Variants in CDC42BPB observed in about 807,000 individuals in gnomAD.
CDC42BPB encodes the protein CDC42 binding protein kinase beta, also known as serine/threonine-protein kinase MRCK beta.
Under a neutral mutation model 214.9 loss-of-function variants are expected in CDC42BPB, and 37 were observed. The ratio of observed to expected loss-of-function variants is 0.17; its 90% CI spans 0.13 to 0.23. The LOEUF (loss-of-function observed/expected upper bound fraction) is 0.23, where lower values mean the gene tolerates loss of function less well. CDC42BPB is among the 10% of genes least tolerant of loss of function. The pLI is 1.00. For missense variants in CDC42BPB, 1,694 were observed against 2,227.0 expected, an observed-to-expected ratio of 0.76 and a Z score of 4.82; for synonymous variants, 931 against 884.0, an observed-to-expected ratio of 1.05 and a Z score of -0.94.
At chr14:103,048,912 AAAAGAAAAT>A in intron 1 of CDC42BPB, among the ~76,000 whole-genome samples, 1 of 152,252 alleles carries the variant, frequency 6.6e-6, no homozygotes, top group Non-Finnish European at 1.5e-5. Flanking sequence ...TTATTATAAG[AAAAGAAAAT>A]AAAGAAAATT....
chr14:103,013,517 AC>A (rs1469566900), intron 1 of CDC42BPB, among the ~76,000 whole-genome samples: 1 of 152,230 alleles, frequency 6.6e-6, no homozygotes, highest in Non-Finnish European at 1.5e-5. Context: ...TGTGACTGTA[AC>A]CTCATTTGGA....
chr14:103,017,106 G>A (rs1251604879), intron 1 of CDC42BPB, among the ~76,000 whole-genome samples: 1 of 152,226 alleles, frequency 6.6e-6, no homozygotes, highest in African/African-American at 2.4e-5. Context: ...AGGACTGCTT[G>A]AGCCCAGGAG....
At chr14:102,974,267 G>C in intron 11 of CDC42BPB, 118 bp from the exon 12 acceptor site, 1 of 1,454,620 alleles carries the variant, frequency 6.9e-7, no homozygotes, top group Non-Finnish European at 9.0e-7. Context: ...TTTTCATTCA[G>C]AGGTTTTTTT....
intron 25 of CDC42BPB, 49 bp from the exon 26 acceptor site, chr14:102,949,953 C>T (rs560591574): frequency 3.1e-6 from 5 of 1,605,748 alleles, no homozygotes; most frequent in Middle Eastern, 1.7e-4. Flanking sequence ...CCAGGCAGGC[C>T]GCCAGGCCCC....
chr14:102,978,287 T>C (rs991947957), intron 8 of CDC42BPB, 82 bp from the exon 9 acceptor site: 3 of 1,588,572 alleles, frequency 1.9e-6, no homozygotes, highest in Middle Eastern at 1.7e-4. Flanking sequence ...ACAGTCATGG[T>C]GACAGGAGGC....
At chr14:102,967,301 G>C in intron 16 of CDC42BPB, 131 bp from the exon 17 acceptor site, 1 of 1,414,022 alleles carries the variant, frequency 7.1e-7, no homozygotes, top group East Asian at 2.6e-5. Flanking sequence ...TCCAAACTAA[G>C]TTCATGATAT....
At chr14:102,949,958 G>A (rs1457987245) in intron 25 of CDC42BPB, 54 bp from the exon 26 acceptor site, 4 of 1,604,746 alleles carry the variant, frequency 2.5e-6, no homozygotes, top group Non-Finnish European at 3.4e-6. Context: ...CAGGCCGCCA[G>A]GCCCCATTAC....
intron 1 of CDC42BPB, among the ~76,000 whole-genome samples, chr14:103,028,078 T>C (rs10149028): frequency 0.69 from 104,165 of 151,978 alleles, 35,982 homozygotes; most frequent in South Asian, 0.81. Flanking sequence ...TGTGATATGC[T>C]GAGATTGTGC....
intron 1 of CDC42BPB, among the ~76,000 whole-genome samples, chr14:103,056,259 G>A (rs1212554425): frequency 1.3e-5 from 2 of 151,740 alleles, no homozygotes; most frequent in Admixed American, 6.6e-5. Flanking sequence ...AGGTCTAGCA[G>A]AATTGGAATT....
intron 11 of CDC42BPB, among the ~76,000 whole-genome samples, chr14:102,975,149 G>A (rs1893679896): frequency 6.6e-6 from 1 of 152,218 alleles, no homozygotes; most frequent in African/African-American, 2.4e-5. Context: ...TAACAGAGAA[G>A]CAGAAAATAG....
intron 8 of CDC42BPB, among the ~76,000 whole-genome samples, chr14:102,980,220 C>T (rs1014134869): frequency 2.6e-5 from 4 of 152,268 alleles, no homozygotes; most frequent in African/African-American, 7.2e-5. Context: ...GTAGGCTGGG[C>T]GCGATGGCTC....
At chr14:102,946,197 T>A (rs999052019) in intron 28 of CDC42BPB, among the ~76,000 whole-genome samples, 1 of 152,108 alleles carries the variant, frequency 6.6e-6, no homozygotes, top group Non-Finnish European at 1.5e-5. Flanking sequence ...ATTTTTATTT[T>A]TTTTTTTAGC....
chr14:102,991,531 A>G (rs763594651), intron 5 of CDC42BPB, among the ~76,000 whole-genome samples: 1 of 152,244 alleles, frequency 6.6e-6, no homozygotes, highest in South Asian at 2.1e-4. Context: ...GTCAACTGCT[A>G]AAATCTGAGT....
intron 4 of CDC42BPB, among the ~76,000 whole-genome samples, chr14:103,000,902 G>A (rs1894948816): frequency 6.6e-6 from 1 of 152,208 alleles, no homozygotes; most frequent in African/African-American, 2.4e-5. Flanking sequence ...CAAGGACAGA[G>A]CAAAGACCTG....
intron 18 of CDC42BPB, among the ~76,000 whole-genome samples, chr14:102,965,388 TAAAAAAAAAAAAA>T (rs765936398): frequency 2.6e-5 from 3 of 115,268 alleles, no homozygotes; most frequent in Non-Finnish European, 5.5e-5. Context: ...TACCTGTGAT[TAAAAAAAAAAAAA>T]AAAAAAAAAG....
At chr14:103,055,165 G>A (rs551986661) in intron 1 of CDC42BPB, among the ~76,000 whole-genome samples, 1 of 152,382 alleles carries the variant, frequency 6.6e-6, no homozygotes, top group South Asian at 2.1e-4. Context: ...GCTCACGCCT[G>A]TAATCCCAGC....
At chr14:103,049,157 A>T (rs1327395252) in intron 1 of CDC42BPB, among the ~76,000 whole-genome samples, 1 of 152,258 alleles carries the variant, frequency 6.6e-6, no homozygotes, top group Non-Finnish European at 1.5e-5. Flanking sequence ...AGAAGTCAGC[A>T]ATGTCTAAAA....
intron 1 of CDC42BPB, among the ~76,000 whole-genome samples, chr14:103,024,776 A>C (rs921027152): frequency 6.6e-6 from 1 of 152,168 alleles, no homozygotes; most frequent in Non-Finnish European, 1.5e-5. Flanking sequence ...ATATAATAAT[A>C]TCTCTACAGG....
At chr14:102,992,543 C>G (rs1894541996) in intron 5 of CDC42BPB, among the ~76,000 whole-genome samples, 1 of 152,166 alleles carries the variant, frequency 6.6e-6, no homozygotes. Flanking sequence ...GCTGACAGCA[C>G]AGTGACATCA....
Sources: gnomAD v4.1 joint callset for allele counts (sites outside exome capture counted in the v4.1 genomes callset) on GRCh38, gnomAD v4.1.1 for gene constraint, MANE v1.5 for transcripts, NCBI Gene and HGNC (gene_info 2026-07-23, HGNC 2026-07-21) for gene names.